The following IREB2 variants were observed in gnomAD, a reference collection of about 807,000 sequenced individuals.
IREB2 encodes the protein iron responsive element binding protein 2.
A neutral mutation model predicts 118.8 loss-of-function variants in IREB2; 39 were observed. The observed-to-expected ratio is 0.33, with a 90% CI of 0.25 to 0.43. The LOEUF (loss-of-function observed/expected upper bound fraction) is 0.43. Among genes scored for constraint, IREB2 ranks in the 20% least tolerant of loss-of-function variants. IREB2 has a pLI of 1.00. For synonymous variants in IREB2, 372 were observed against 392.2 expected (o/e 0.95, Z 0.61); for missense variants, 900 against 1,147.3 (o/e 0.78, Z 3.11).
In IREB2 at chr15:78,459,419, C is replaced by T. The variant is rs146621425; in HGVS notation, c.107-3503C>T. 1.1e-3 allele frequency among the ~76,000 whole-genome samples: 169 copies of T among 152,122 alleles called. 1 individual carries two copies. Among genetic ancestry groups the T allele is most frequent in the African/African-American group, 3.8e-3 (156 of 41,492 alleles). ...GGCTGGAGTGCAGTGGCAAGGTCTC[C>T]GCTCGGTGTAGAATCTGCCTCCTGG... On this transcript the variant is annotated intron_variant, in intron 2 of 21. Coordinates refer to ENST00000258886, the MANE Select transcript of IREB2 (RefSeq NM_004136.4).
chr15:78,450,640 G>A (rs1302339718), intron 2 of IREB2, among the ~76,000 whole-genome samples: 3 of 152,164 alleles, frequency 2.0e-5, no homozygotes, highest in African/African-American at 7.2e-5. Flanking sequence ...TAGAAGGAGT[G>A]ACAGCTCAAT....
intron 3 of IREB2, among the ~76,000 whole-genome samples, chr15:78,464,676 T>A (rs543242001): frequency 2.6e-5 from 4 of 152,330 alleles, no homozygotes; most frequent in Admixed American, 2.0e-4. Context: ...ATCGACCTCC[T>A]GGGCTCAAGC....
intron 2 of IREB2, among the ~76,000 whole-genome samples, chr15:78,447,414 T>G (rs939931823): frequency 4.7e-5 from 7 of 150,520 alleles, no homozygotes; most frequent in African/African-American, 1.7e-4. Flanking sequence ...CACTGCAACC[T>G]CCGCCTACCA....
intron 20 of IREB2, 111 bp downstream of exon 20, chr15:78,494,375 TTATAGG>T (rs1300101825): frequency 1.1e-5 from 12 of 1,097,000 alleles, no homozygotes; most frequent in South Asian, 3.0e-5. Flanking sequence ...TATTTGAACC[TTATAGG>T]TATAGAGGGT....
At chr15:78,455,001 T>G (rs2051083459) in intron 2 of IREB2, among the ~76,000 whole-genome samples, 1 of 151,864 alleles carries the variant, frequency 6.6e-6, no homozygotes. Flanking sequence ...GTAAAGTTAG[T>G]TTTAAAAAAG....
At chr15:78,495,097 T>A (rs1007183252) in intron 20 of IREB2, among the ~76,000 whole-genome samples, 1 of 152,210 alleles carries the variant, frequency 6.6e-6, no homozygotes, top group Non-Finnish European at 1.5e-5. Flanking sequence ...TGACATGTGC[T>A]TTTTGCCATT....
At chr15:78,458,177 T>A (rs1217923213) in intron 2 of IREB2, among the ~76,000 whole-genome samples, 1 of 152,198 alleles carries the variant, frequency 6.6e-6, no homozygotes, top group Non-Finnish European at 1.5e-5. Context: ...ATAACTGTAA[T>A]CCTTTTTCTA....
chr15:78,497,233 C>T lies in IREB2; in HGVS notation c.2703C>T (p.Ser901=). 6.2e-7 allele frequency: 1 copy of T among 1,613,866 alleles called. No homozygotes were observed. The highest frequency in any genetic ancestry group is 8.5e-7 in the Non-Finnish European group (1 of 1,179,764). The part of the protein sequence containing the change: ...LQFLPGENAD[S]LGLSGRETFS... Reference sequence around the variant, plus strand: ...TCCTTCCAGGAGAAAATGCAGATTCCTTGGGCCTCTCCGGTAGAGAAACAT... The same window carrying T: ...TCCTTCCAGGAGAAAATGCAGATTCTTTGGGCCTCTCCGGTAGAGAAACAT... The change falls in exon 21 of 22, where the codon TCC becomes TCT. Residue 901 remains serine, a synonymous_variant. Transcript: ENST00000258886.
rs535330404 is a variant in IREB2, at chr15:78,438,597, C to T, written c.19+241C>T. ...CAGGGCGGGCCACCCCACCGCTGGC[C>T]TTGACCCGCACCCCTCTCTCTCCGG... On this transcript the variant is annotated intron_variant, in intron 1 of 21. Coordinates refer to ENST00000258886, the MANE Select transcript of IREB2 (RefSeq NM_004136.4). 477 of 543,210 alleles carry T rather than the reference C, an allele frequency of 8.8e-4. 3 individuals are homozygous for T. The highest frequency in any genetic ancestry group is 1.4e-4 in the Non-Finnish European group (42 of 303,236). The allele number at this position is 543,210 out of a possible 1,614,324, so 33.6% of individuals were successfully genotyped here.
intron 2 of IREB2, among the ~76,000 whole-genome samples, chr15:78,441,165 G>T (rs1003146376): frequency 9.2e-5 from 14 of 152,132 alleles, no homozygotes; most frequent in Non-Finnish European, 1.9e-4. Flanking sequence ...TATTTTTTGT[G>T]TATTGTGAAA....
At chr15:78,493,638 GTC>G (rs1169162541) in intron 18 of IREB2, among the ~76,000 whole-genome samples, 2 of 151,336 alleles carry the variant, frequency 1.3e-5, no homozygotes, top group African/African-American at 2.4e-5. Context: ...TTTTTTAAGA[GTC>G]TACATCTTTT....
At chr15:78,451,888 C>G (rs899477164) in intron 2 of IREB2, among the ~76,000 whole-genome samples, 1 of 152,076 alleles carries the variant, frequency 6.6e-6, no homozygotes, top group Non-Finnish European at 1.5e-5. Flanking sequence ...GTCTCAAACT[C>G]CTGACCTTAG....
At chr15:78,481,932 C>T (rs1037152636) in intron 10 of IREB2, 1 of 152,180 alleles carries the variant, frequency 6.6e-6, no homozygotes, top group African/African-American at 2.4e-5. Context: ...CTAGGATCGC[C>T]TGAATCCATT....
intron 10 of IREB2, among the ~76,000 whole-genome samples, chr15:78,482,318 A>C (rs1243180353): frequency 1.3e-5 from 2 of 152,244 alleles, no homozygotes; most frequent in East Asian, 3.8e-4. Flanking sequence ...GTTGAAAGCC[A>C]TGATGAAAAG....
intron 18 of IREB2, among the ~76,000 whole-genome samples, chr15:78,493,074 C>T (rs1048213965): frequency 1.3e-5 from 2 of 152,098 alleles, no homozygotes; most frequent in African/African-American, 4.8e-5. Context: ...AAACCCAAAT[C>T]TTATCAAACC....
At chr15:78,494,502 A>T (rs769926958) in intron 20 of IREB2, among the ~76,000 whole-genome samples, 3 of 152,222 alleles carry the variant, frequency 2.0e-5, no homozygotes, top group Non-Finnish European at 4.4e-5. Flanking sequence ...TATGTGAAGA[A>T]GTCAGTATAA....
chr15:78,477,144 T>A (rs774102204), intron 9 of IREB2, among the ~76,000 whole-genome samples: 1 of 152,206 alleles, frequency 6.6e-6, no homozygotes, highest in Non-Finnish European at 1.5e-5. Context: ...CTTCTGCATT[T>A]GAGTTAGTAG....
intron 2 of IREB2, among the ~76,000 whole-genome samples, chr15:78,441,887 T>C (rs989722206): frequency 1.3e-5 from 2 of 152,148 alleles, no homozygotes; most frequent in Admixed American, 1.3e-4. Context: ...CCCTGGTTTT[T>C]ATTTTATTTT....
intron 18 of IREB2, among the ~76,000 whole-genome samples, chr15:78,491,571 C>T (rs988485038): frequency 1.3e-5 from 2 of 152,152 alleles, no homozygotes; most frequent in African/African-American, 4.8e-5. Flanking sequence ...GATCTCAGCT[C>T]ACTGCCACCT....
Sources: allele counts gnomAD v4.1 joint callset (sites outside exome capture counted in the v4.1 genomes callset), GRCh38; gene constraint gnomAD v4.1.1; transcripts MANE v1.5; gene names NCBI Gene and HGNC (gene_info 2026-07-23, HGNC 2026-07-21).